The following PTK2 variants were observed in gnomAD, a reference collection of about 807,000 sequenced individuals.
The protein encoded by PTK2 is protein tyrosine kinase 2.
A neutral mutation model predicts 150.1 loss-of-function variants in PTK2; 45 were observed. The ratio of observed to expected loss-of-function variants is 0.30; its 90% CI spans 0.24 to 0.38. The LOEUF (loss-of-function observed/expected upper bound fraction) is 0.38. PTK2 is among the 10% of genes least tolerant of loss of function. PTK2 has a pLI of 1.00. For missense variants in PTK2, 919 were observed against 1,307.3 expected (o/e 0.70, Z 4.58); for synonymous variants, 432 against 449.2 (o/e 0.96, Z 0.48).
At chr8:140,801,387 T>C (rs779516314) in intron 11 of PTK2, among the ~76,000 whole-genome samples, 1 of 152,226 alleles carries the variant, frequency 6.6e-6, no homozygotes, top group Non-Finnish European at 1.5e-5. Context: ...CCACATTAGG[T>C]AGTATTTGCC....
intron 23 of PTK2, among the ~76,000 whole-genome samples, chr8:140,710,057 T>C (rs2100035925): frequency 6.6e-6 from 1 of 152,194 alleles, no homozygotes; most frequent in Non-Finnish European, 1.5e-5. Flanking sequence ...CTCATGTCTG[T>C]AATCTCAGCA....
intron 1 of PTK2, among the ~76,000 whole-genome samples, chr8:140,967,453 CTTTCTTTCTT>C (rs1257533983): frequency 2.4e-5 from 3 of 126,688 alleles, no homozygotes; most frequent in East Asian, 2.3e-4. Context: ...TTCTTTCTTT[CTTTCTTTCTT>C]TTTTTTTTTT....
intron 5 of PTK2, among the ~76,000 whole-genome samples, chr8:140,858,381 A>G (rs2100134027): frequency 6.6e-6 from 1 of 151,076 alleles, no homozygotes; most frequent in African/African-American, 2.4e-5. Context: ...AAACGACATG[A>G]CCCCCTAGAG....
intron 13 of PTK2, among the ~76,000 whole-genome samples, chr8:140,791,471 T>C (rs2100088377): frequency 6.6e-6 from 1 of 152,220 alleles, no homozygotes; most frequent in Non-Finnish European, 1.5e-5. Flanking sequence ...GAGTGCACTG[T>C]CCAAAGCTAG....
rs114867187 is a variant in PTK2 at position 140,959,623 on chromosome 8, T to C, written c.-121-33874A>G. Among the ~76,000 whole-genome samples, 1,139 of 151,932 alleles carry C rather than the reference T, an allele frequency of 7.5e-3. 12 individuals carry two copies. Among genetic ancestry groups the C allele is most frequent in the African/African-American group, 0.026 (1,061 of 41,470 alleles). Reference sequence around the variant, plus strand: ...CTTTTATATATAATCTATATACTTATATCTACGTTTTTGATTTTCAAAAAG... The same window carrying C: ...CTTTTATATATAATCTATATACTTACATCTACGTTTTTGATTTTCAAAAAG... On this transcript the variant is annotated intron_variant, in intron 1 of 31. Coordinates refer to ENST00000522684, the Ensembl canonical transcript of PTK2.
chr8:140,907,804 T>A (rs1052739987), intron 2 of PTK2, among the ~76,000 whole-genome samples: 69 of 152,248 alleles, frequency 4.5e-4, no homozygotes, highest in African/African-American at 1.7e-3. Context: ...AGAGCGAGCT[T>A]AGTTGATACG....
chr8:140,997,884 A>G (rs1375983048), intron 1 of PTK2, among the ~76,000 whole-genome samples: 1 of 152,250 alleles, frequency 6.6e-6, no homozygotes, highest in African/African-American at 2.4e-5. Flanking sequence ...GGTTGCAGTG[A>G]GCTATGATTG....
chr8:140,999,150 G>T (rs1454724512), intron 1 of PTK2, among the ~76,000 whole-genome samples: 3 of 152,118 alleles, frequency 2.0e-5, no homozygotes, highest in Admixed American at 1.3e-4. Context: ...GCCCCAAACC[G>T]TAAACATGGA....
intron 16 of PTK2, among the ~76,000 whole-genome samples, chr8:140,758,636 A>C (rs1199817040): frequency 6.6e-6 from 1 of 152,220 alleles, no homozygotes; most frequent in Non-Finnish European, 1.5e-5. Flanking sequence ...TTAAGAAAAA[A>C]GTTTAAAAAA....
In PTK2 at chr8:140,752,373, T is replaced by C; in HGVS notation, c.1333-57A>G. ...CATGCAAAAAGGTTTGCTATATTAA[T>C]TGATTCATGAAAACCTGTCTGTTTT... is the stretch of plus-strand genomic sequence containing the variant. On this transcript the variant is annotated intron_variant, in intron 16 of 31. Transcript: ENST00000522684. 3 of 1,502,068 alleles carry C rather than the reference T, an allele frequency of 2.0e-6. No homozygotes were observed. The South Asian group carries it at 3.4e-5, about 17-fold the overall frequency. 93.0% of individuals were successfully genotyped at this position (1,502,068 alleles called of 1,614,324 possible).
intron 1 of PTK2, among the ~76,000 whole-genome samples, chr8:140,997,565 T>C (rs1485489185): frequency 1.3e-5 from 2 of 152,212 alleles, no homozygotes; most frequent in African/African-American, 4.8e-5. Flanking sequence ...TCAGCAGCCA[T>C]CACCACTGAG....
intron 19 of PTK2, among the ~76,000 whole-genome samples, chr8:140,744,344 T>C (rs867816452): frequency 6.6e-6 from 1 of 152,248 alleles, no homozygotes; most frequent in Middle Eastern, 3.4e-3. Flanking sequence ...CTCTATAGTG[T>C]TTGTGTAGGG....
chr8:140,846,905 A>G (rs1234107726), intron 5 of PTK2, among the ~76,000 whole-genome samples: 8 of 152,164 alleles, frequency 5.3e-5, no homozygotes, highest in Admixed American at 1.3e-4. Flanking sequence ...TTTCTTCAGT[A>G]CCTTTCATAT....
chr8:140,769,710 G>A (rs983188336), intron 14 of PTK2, 118 bp from the exon 16 acceptor site: 4 of 560,312 alleles, frequency 7.1e-6, no homozygotes, highest in Admixed American at 3.4e-5. Flanking sequence ...AAACCAAAGT[G>A]TAAGAAAAAT....
Sources: gnomAD v4.1 joint callset for allele counts (sites outside exome capture counted in the v4.1 genomes callset) on GRCh38, gnomAD v4.1.1 for gene constraint, MANE v1.5 for transcripts, NCBI Gene and HGNC (gene_info 2026-07-23, HGNC 2026-07-21) for gene names.